The following ZMAT4 variants were observed in gnomAD, a reference collection of about 807,000 sequenced individuals.
The protein encoded by ZMAT4 is zinc finger matrin-type protein 4.
A neutral mutation model predicts 28.7 loss-of-function variants in ZMAT4; 17 were observed. The observed-to-expected ratio is 0.59, with a 90% CI of 0.41 to 0.89. ZMAT4 has a LOEUF of 0.89. ZMAT4 is among the 40% of genes least tolerant of loss of function. The pLI is 0.00. For synonymous variants in ZMAT4, 117 were observed against 109.2 expected, an observed-to-expected ratio of 1.07 and a Z score of -0.44; for missense variants, 240 against 283.8, an observed-to-expected ratio of 0.85 and a Z score of 1.11.
At chr8:40,699,467 GA>G (rs922513567) in intron 3 of ZMAT4, among the ~76,000 whole-genome samples, 7 of 150,414 alleles carry the variant, frequency 4.7e-5, no homozygotes, top group African/African-American at 1.5e-4. Context: ...CTACCCAAAG[GA>G]AAAAAAAATC....
At chr8:40,888,987 G>A (rs772957083) in intron 1 of ZMAT4, among the ~76,000 whole-genome samples, 3 of 152,346 alleles carry the variant, frequency 2.0e-5, no homozygotes, top group East Asian at 3.9e-4. Flanking sequence ...ACTCTGAAAA[G>A]AGCATGGTGT....
intron 6 of ZMAT4, among the ~76,000 whole-genome samples, chr8:40,569,417 A>C (rs948789795): frequency 2.0e-5 from 3 of 152,242 alleles, no homozygotes; most frequent in African/African-American, 7.2e-5. Flanking sequence ...TAGATAGTTT[A>C]CAAATGGACA....
At chr8:40,760,130 C>T (rs766475798) in intron 3 of ZMAT4, among the ~76,000 whole-genome samples, 78 of 152,254 alleles carry the variant, frequency 5.1e-4, no homozygotes, top group Admixed American at 1.0e-3. Context: ...AACAGCCTTT[C>T]CCTATAATCG....
chr8:40,532,931 C>T (rs996891405), intron 6 of ZMAT4, among the ~76,000 whole-genome samples: 6 of 150,614 alleles, frequency 4.0e-5, no homozygotes, highest in Non-Finnish European at 8.8e-5. Flanking sequence ...TGCAGTGAGC[C>T]GAGATCGTGC....
chr8:40,890,867 C>T (rs1197552304), intron 1 of ZMAT4, among the ~76,000 whole-genome samples: 1 of 151,990 alleles, frequency 6.6e-6, no homozygotes, highest in Non-Finnish European at 1.5e-5. Context: ...TTACCCTCCT[C>T]CCATCCACCT....
intron 3 of ZMAT4, among the ~76,000 whole-genome samples, chr8:40,757,113 T>C (rs1812730569): frequency 6.6e-6 from 1 of 152,092 alleles, no homozygotes; most frequent in Non-Finnish European, 1.5e-5. Context: ...CAAGCATGGC[T>C]CCAAACAGAC....
chr8:40,840,970 C>T (rs1465307730), intron 1 of ZMAT4, among the ~76,000 whole-genome samples: 1 of 152,190 alleles, frequency 6.6e-6, no homozygotes, highest in Admixed American at 6.5e-5. Flanking sequence ...TACAAGCCAC[C>T]TGGCACCCGG....
At chr8:40,775,563 G>A (rs1018188409) in intron 2 of ZMAT4, among the ~76,000 whole-genome samples, 2 of 152,176 alleles carry the variant, frequency 1.3e-5, no homozygotes, top group Non-Finnish European at 2.9e-5. Context: ...CTCAAACAGA[G>A]GCAGTGTGTT....
intron 5 of ZMAT4, among the ~76,000 whole-genome samples, chr8:40,657,588 G>C (rs1215932537): frequency 6.6e-6 from 1 of 152,008 alleles, no homozygotes. Context: ...CTGCTTTCAA[G>C]ATTTCCTCTT....
intron 5 of ZMAT4, among the ~76,000 whole-genome samples, chr8:40,655,646 T>G (rs1807885280): frequency 6.6e-6 from 1 of 151,600 alleles, no homozygotes; most frequent in African/African-American, 2.4e-5. Context: ...AGGCCAGAAA[T>G]AGACCCATAC....
intron 5 of ZMAT4, among the ~76,000 whole-genome samples, chr8:40,670,499 G>A (rs950383629): frequency 6.6e-6 from 1 of 151,920 alleles, no homozygotes; most frequent in Non-Finnish European, 1.5e-5. Flanking sequence ...GACACAAAAA[G>A]CAATGATTAT....
intron 2 of ZMAT4, among the ~76,000 whole-genome samples, chr8:40,776,735 G>A (rs1330372295): frequency 1.3e-5 from 2 of 152,174 alleles, no homozygotes; most frequent in Admixed American, 1.3e-4. Flanking sequence ...GTAATGTGAA[G>A]TAACAAAGTT....
chr8:40,832,101 G>A (rs960825429), intron 1 of ZMAT4, among the ~76,000 whole-genome samples: 2 of 151,980 alleles, frequency 1.3e-5, no homozygotes, highest in African/African-American at 4.8e-5. Flanking sequence ...CCCTACTCTG[G>A]GCCTCTGTCC....
chr8:40,858,630 C>T (rs1268331521), intron 1 of ZMAT4, among the ~76,000 whole-genome samples: 2 of 152,150 alleles, frequency 1.3e-5, no homozygotes, highest in African/African-American at 2.4e-5. Flanking sequence ...TTAGGCTCCA[C>T]GGAAGATCAG....
intron 3 of ZMAT4, among the ~76,000 whole-genome samples, chr8:40,737,586 A>G (rs1811824873): frequency 6.6e-6 from 1 of 152,240 alleles, no homozygotes; most frequent in Non-Finnish European, 1.5e-5. Flanking sequence ...TGGCACGGTC[A>G]TTAGCAAGTC....
intron 2 of ZMAT4, among the ~76,000 whole-genome samples, chr8:40,809,121 C>A (rs1480158373): frequency 6.6e-6 from 1 of 152,094 alleles, no homozygotes; most frequent in Non-Finnish European, 1.5e-5. Flanking sequence ...GCATGGAAAG[C>A]CATAAAAAAG....
At position 40,821,093 on chromosome 8, in the gene ZMAT4, T is replaced by TG. The variant is rs138300867; in HGVS notation, c.102+4481dup. On this transcript the variant is annotated intron_variant, in intron 2 of 6. Transcript: ENST00000297737. The stretch of plus-strand genomic sequence containing the variant: ...GGGGATGGGTGTGTGTGTATGTGTA[T>TG]GGGGGGAGTGTGTATGTGTGTACAC... Among the ~76,000 whole-genome samples the TG allele has an allele frequency of 0.011, 1,597 of 151,704 alleles. 77 individuals are homozygous for TG. The East Asian group carries it at 0.16, about 16-fold the overall frequency.
intron 5 of ZMAT4, among the ~76,000 whole-genome samples, chr8:40,601,434 A>AAGGAAGGG (rs1805307521): frequency 1.6e-5 from 2 of 122,684 alleles, no homozygotes; most frequent in South Asian, 2.9e-4. Context: ...GGAAGGAAGG[A>AAGGAAGGG]AGGAAGGAAG....
chr8:40,557,890 G>T (rs1803599324), intron 6 of ZMAT4, among the ~76,000 whole-genome samples: 1 of 152,144 alleles, frequency 6.6e-6, no homozygotes, highest in Non-Finnish European at 1.5e-5. Context: ...TTGATAGATT[G>T]ATATGATAAA....
Sources: gnomAD v4.1 joint callset for allele counts (sites outside exome capture counted in the v4.1 genomes callset) on GRCh38, gnomAD v4.1.1 for gene constraint, MANE v1.5 for transcripts, NCBI Gene and HGNC (gene_info 2026-07-23, HGNC 2026-07-21) for gene names.